Variants in CSNK1G1 observed in about 807,000 individuals in gnomAD.
The protein encoded by CSNK1G1 is casein kinase 1 gamma 1, also known as casein kinase I isoform gamma-1.
In CSNK1G1, 22 loss-of-function variants were observed where a neutral mutation model predicts 59.6. The observed-to-expected ratio is 0.37, with a 90% CI of 0.26 to 0.53. CSNK1G1 has a LOEUF of 0.53. CSNK1G1 is among the 20% of genes least tolerant of loss of function. The probability of loss-of-function intolerance (pLI) is 0.89; values close to 1 mark genes in which losing one functional copy is unlikely to be tolerated. For synonymous variants in CSNK1G1, 179 were observed against 177.1 expected, an observed-to-expected ratio of 1.01 and a Z score of -0.08; for missense variants, 384 against 519.5, an observed-to-expected ratio of 0.74 and a Z score of 2.54.
At chr15:64,211,996 A>G (rs1025832787) in intron 6 of CSNK1G1, among the ~76,000 whole-genome samples, 2 of 152,228 alleles carry the variant, frequency 1.3e-5, no homozygotes, top group African/African-American at 4.8e-5. Flanking sequence ...TTCCTTGTAA[A>G]ATGGAAAATT....
intron 1 of CSNK1G1, among the ~76,000 whole-genome samples, chr15:64,350,455 C>A (rs1898226125): frequency 6.6e-6 from 1 of 151,736 alleles, no homozygotes; most frequent in Non-Finnish European, 1.5e-5. Flanking sequence ...GAGCCAAGAT[C>A]ACGCCACTGC....
chr15:64,307,813 A>C (rs921558246), intron 1 of CSNK1G1, among the ~76,000 whole-genome samples: 9 of 152,106 alleles, frequency 5.9e-5, no homozygotes, highest in Non-Finnish European at 1.5e-5. Context: ...CAGCCTCCTG[A>C]GTAGCTGGGA....
At chr15:64,342,496 T>C (rs1380123042) in intron 1 of CSNK1G1, 1 of 152,266 alleles carries the variant, frequency 6.6e-6, no homozygotes, top group Non-Finnish European at 1.5e-5. Context: ...ACTTCATTCA[T>C]ATCTTTTAGT....
chr15:64,302,613 C>T (rs977983441), intron 1 of CSNK1G1, among the ~76,000 whole-genome samples: 2 of 152,028 alleles, frequency 1.3e-5, no homozygotes, highest in African/African-American at 4.8e-5. Flanking sequence ...TCCACTATCC[C>T]GGTTATCCTT....
intron 1 of CSNK1G1, among the ~76,000 whole-genome samples, chr15:64,339,886 TCA>T (rs1268343538): frequency 1.3e-5 from 2 of 152,206 alleles, no homozygotes; most frequent in Non-Finnish European, 2.9e-5. Flanking sequence ...TTTCAAACTC[TCA>T]CAGAGTATTT....
At chr15:64,295,227 C>T (rs144551718) in intron 2 of CSNK1G1, among the ~76,000 whole-genome samples, 2 of 152,264 alleles carry the variant, frequency 1.3e-5, no homozygotes, top group East Asian at 3.9e-4. Context: ...TCAATTAACT[C>T]ATTTATGCCT....
At chr15:64,314,465 TTAAA>T (rs1230771640) in intron 1 of CSNK1G1, among the ~76,000 whole-genome samples, 2 of 151,926 alleles carry the variant, frequency 1.3e-5, no homozygotes, top group African/African-American at 4.8e-5. Flanking sequence ...ATCCATTACC[TTAAA>T]TACTTAACAT....
chr15:64,272,639 GTTACT>G (rs1400727776), intron 2 of CSNK1G1, among the ~76,000 whole-genome samples: 2 of 152,144 alleles, frequency 1.3e-5, no homozygotes, highest in African/African-American at 4.8e-5. Context: ...TGTTTGTGAG[GTTACT>G]TTATAGTTTC....
rs570037736 is a variant in CSNK1G1 at position 64,277,708 on chromosome 15, T to G, written c.182-18467A>C. Among the ~76,000 whole-genome samples the G allele has an allele frequency of 2.1e-3, 221 of 103,882 alleles. 36 individuals are homozygous for G. Among genetic ancestry groups the G allele is most frequent in the East Asian group, 0.014 (33 of 2,384 alleles). 68.2% of individuals were successfully genotyped at this position (103,882 alleles called of 152,430 possible). A position where few individuals can be genotyped will look rare whatever the true frequency, so the allele number is the denominator to read the frequency against. On this transcript the variant is annotated intron_variant, in intron 2 of 11. Coordinates refer to ENST00000303052, the MANE Select transcript of CSNK1G1 (RefSeq NM_022048.5). ...CAATATTGATATATTTAATAATATA[T>G]TAATATTGATATATTTAATAATATA...
At chr15:64,224,301 G>C (rs1021104833) in intron 4 of CSNK1G1, among the ~76,000 whole-genome samples, 1 of 151,962 alleles carries the variant, frequency 6.6e-6, no homozygotes. Flanking sequence ...TGAGGGATCA[G>C]GCAATTATTA....
Position 64,166,363 on chromosome 15 carries a change from A to AT in CSNK1G1, c.*5567dup, listed in dbSNP as rs997684729. Reference sequence around the variant, plus strand: ...GTTTATCTTTATCTTTTCTGCTGTTATTTTTTTTCTCTGCTTGATAAAATG... The same window carrying AT: ...GTTTATCTTTATCTTTTCTGCTGTTATTTTTTTTTCTCTGCTTGATAAAATG... On this transcript the variant is annotated 3_prime_UTR_variant, in exon 12 of 12. Coordinates refer to ENST00000303052, the MANE Select transcript of CSNK1G1 (RefSeq NM_022048.5). This position sits in a 1 kb window ranked among gnomAD's most constrained non-coding sequence, Gnocchi z 4.5. 4.6e-5 allele frequency: 9 copies of AT among 195,040 alleles called. No individual in the cohort carries two copies. The highest frequency in any genetic ancestry group is 2.3e-4 in the East Asian group (2 of 8,848). 12.1% of individuals were successfully genotyped at this position (195,040 alleles called of 1,614,324 possible).
chr15:64,187,070 C>T (rs1469699726), intron 10 of CSNK1G1, among the ~76,000 whole-genome samples: 1 of 152,068 alleles, frequency 6.6e-6, no homozygotes, highest in Non-Finnish European at 1.5e-5. Flanking sequence ...ATCTGCCCAC[C>T]TTGGGCTCCC....
intron 2 of CSNK1G1, among the ~76,000 whole-genome samples, chr15:64,266,605 T>C (rs1262667224): frequency 4.6e-5 from 7 of 152,080 alleles, no homozygotes; most frequent in Admixed American, 4.6e-4. Flanking sequence ...AGAATCACTC[T>C]ACCCAATGCA....
intron 1 of CSNK1G1, among the ~76,000 whole-genome samples, chr15:64,347,387 A>C (rs1274990821): frequency 2.0e-5 from 3 of 152,172 alleles, no homozygotes; most frequent in Non-Finnish European, 4.4e-5. Flanking sequence ...AAAAACTAGA[A>C]GCAACAAAGA....
Position 64,216,681 on chromosome 15 carries a change from G to T in CSNK1G1, c.325C>A (p.Pro109Thr). The change falls in exon 5 of 12, where the codon CCA (proline) becomes ACA (threonine). Residue 109 changes from proline to threonine, a missense_variant. Physicochemically the swap from Pro to Thr is conservative, Grantham distance 38. Coordinates refer to ENST00000303052, the MANE Select transcript of CSNK1G1 (RefSeq NM_022048.5). The surrounding 1 kb of genome is among the most constrained non-coding windows in gnomAD (Gnocchi z 4.6). ...ACCATGGCATTATATTTCCCACATG[G>T]TCCAAAGTAATACACCTGTGGGAGA... The part of the protein sequence containing the change: ...EGLPQVYYFG[P>T]CGKYNAMVLE... 1 of 1,614,114 alleles carries T rather than the reference G, an allele frequency of 6.2e-7. No individual in the cohort carries two copies. Among genetic ancestry groups the T allele is most frequent in the Non-Finnish European group, 8.5e-7 (1 of 1,179,976 alleles).
At chr15:64,277,601 A>G (rs1566930007) in intron 2 of CSNK1G1, among the ~76,000 whole-genome samples, 1 of 138,528 alleles carries the variant, frequency 7.2e-6, no homozygotes, top group African/African-American at 2.6e-5. Flanking sequence ...TATATTTAAT[A>G]ATATATTAAT....
chr15:64,166,968 A>T lies in CSNK1G1; in HGVS notation c.*4963T>A, dbSNP rs1046986086. 1 of 152,286 alleles carries T rather than the reference A, an allele frequency of 6.6e-6. No individual in the cohort carries two copies. The highest frequency in any genetic ancestry group is 2.4e-5 in the African/African-American group (1 of 41,458). 9.4% of individuals were successfully genotyped at this position (152,286 alleles called of 1,614,324 possible). On this transcript the variant is annotated 3_prime_UTR_variant, in exon 12 of 12. Coordinates refer to ENST00000303052, the MANE Select transcript of CSNK1G1 (RefSeq NM_022048.5). The surrounding 1 kb of genome is among the most constrained non-coding windows in gnomAD (Gnocchi z 4.5). The stretch of plus-strand genomic sequence containing the variant: ...CTTTGTAACATCAGGTTTGGTAATC[A>T]AACTAGAAATACAAGGAATACGTGT...
chr15:64,231,339 A>T (rs989000475), intron 4 of CSNK1G1, among the ~76,000 whole-genome samples: 1 of 147,360 alleles, frequency 6.8e-6, no homozygotes, highest in Non-Finnish European at 1.5e-5. Context: ...ATATATATAT[A>T]TTATATATAT....
chr15:64,333,433 CAAAAAAAAAAAAAA>C (rs59451869), intron 1 of CSNK1G1, among the ~76,000 whole-genome samples: 7 of 23,086 alleles, frequency 3.0e-4, no homozygotes, highest in Admixed American at 2.0e-3. Flanking sequence ...GACACCATCT[CAAAAAAAAAAAAAA>C]AAAAAAAAAA....
Sources: gnomAD v4.1 joint callset for allele counts (sites outside exome capture counted in the v4.1 genomes callset) on GRCh38, gnomAD v4.1.1 for gene constraint, Gnocchi (gnomAD v3.1) non-coding constraint, MANE v1.5 for transcripts, NCBI Gene and HGNC (gene_info 2026-07-23, HGNC 2026-07-21) for gene names.